DACH1: variants seen among roughly 807,000 people sequenced by gnomAD.
The protein encoded by DACH1 is dachshund family transcription factor 1.
A neutral mutation model predicts 54.2 loss-of-function variants in DACH1; 12 were observed. The ratio of observed to expected loss-of-function variants is 0.22; its 90% CI spans 0.14 to 0.36. The LOEUF is 0.36. Ranked by LOEUF, DACH1 falls within the 10% of genes least tolerant of loss-of-function variation. The pLI is 1.00. For missense variants in DACH1, 805 were observed against 929.8 expected (o/e 0.87, Z 1.75); for synonymous variants, 386 against 366.2 (o/e 1.05, Z -0.62).
intron 6 of DACH1, among the ~76,000 whole-genome samples, chr13:71,554,229 A>T (rs1884092062): frequency 6.6e-6 from 1 of 152,098 alleles, no homozygotes; most frequent in African/African-American, 2.4e-5. Context: ...AAAACTAGAT[A>T]AAAGAAGGTA....
At chr13:71,716,309 T>C (rs1427567778) in intron 1 of DACH1, among the ~76,000 whole-genome samples, 1 of 152,138 alleles carries the variant, frequency 6.6e-6, no homozygotes, top group Non-Finnish European at 1.5e-5. Context: ...TATATAGAAA[T>C]AACATTATAG....
intron 3 of DACH1, 69 bp downstream of exon 3, chr13:71,630,487 C>T: frequency 2.0e-6 from 3 of 1,465,302 alleles, no homozygotes; most frequent in Non-Finnish European, 2.7e-6. Flanking sequence ...CAGTTTTGTT[C>T]TGGAAAAGCA....
At chr13:71,468,111 T>C (rs966989549) in intron 10 of DACH1, among the ~76,000 whole-genome samples, 3 of 152,282 alleles carry the variant, frequency 2.0e-5, no homozygotes, top group South Asian at 2.1e-4. Flanking sequence ...ACAAACACTT[T>C]ACTATGGGAA....
intron 1 of DACH1, among the ~76,000 whole-genome samples, chr13:71,730,081 A>G (rs1026908274): frequency 6.6e-6 from 1 of 152,172 alleles, no homozygotes; most frequent in African/African-American, 2.4e-5. Flanking sequence ...TTATAACTAG[A>G]AAAATAAAGA....
chr13:71,464,485 T>C (rs987990544), intron 10 of DACH1: 3 of 340,478 alleles, frequency 8.8e-6, no homozygotes, highest in Admixed American at 4.4e-5. Flanking sequence ...TTAATGAAGA[T>C]GAGAAGTTCA....
At chr13:71,701,660 A>G (rs1474020203) in intron 1 of DACH1, among the ~76,000 whole-genome samples, 1 of 152,212 alleles carries the variant, frequency 6.6e-6, no homozygotes, top group Non-Finnish European at 1.5e-5. Context: ...GATGGACTAA[A>G]ACTAAACTAC....
chr13:71,781,393 T>TA (rs1886370102), intron 1 of DACH1, among the ~76,000 whole-genome samples: 6 of 143,224 alleles, frequency 4.2e-5, no homozygotes, highest in Non-Finnish European at 6.2e-5. Flanking sequence ...TTTATTTATT[T>TA]TTTGAGACGG....
intron 1 of DACH1, among the ~76,000 whole-genome samples, chr13:71,748,821 C>T (rs1367479348): frequency 6.6e-6 from 1 of 151,642 alleles, no homozygotes; most frequent in Non-Finnish European, 1.5e-5. Flanking sequence ...TCTATGTTAC[C>T]TGAAATATAA....
At chr13:71,745,901 A>T (rs1884582745) in intron 1 of DACH1, among the ~76,000 whole-genome samples, 2 of 152,188 alleles carry the variant, frequency 1.3e-5, no homozygotes, top group South Asian at 2.1e-4. Context: ...AATATTTTTT[A>T]AAAGTAATTG....
chr13:71,740,931 C>G (rs751433379), intron 1 of DACH1, among the ~76,000 whole-genome samples: 9 of 152,048 alleles, frequency 5.9e-5, no homozygotes, highest in Admixed American at 1.3e-4. Context: ...AGCCTTGACA[C>G]TTTATTTTGG....
intron 3 of DACH1, among the ~76,000 whole-genome samples, chr13:71,609,481 T>C (rs1875139626): frequency 6.6e-6 from 1 of 152,176 alleles, no homozygotes; most frequent in South Asian, 2.1e-4. Flanking sequence ...ACTTATGAAA[T>C]ATTAGTCATT....
At chr13:71,793,535 A>G (rs968760482) in intron 1 of DACH1, among the ~76,000 whole-genome samples, 1 of 151,792 alleles carries the variant, frequency 6.6e-6, no homozygotes, top group Non-Finnish European at 1.5e-5. Context: ...CTCTCTATTT[A>G]TTTTTTTCTT....
At chr13:71,689,039 C>T (rs1402876763) in intron 1 of DACH1, among the ~76,000 whole-genome samples, 1 of 152,076 alleles carries the variant, frequency 6.6e-6, no homozygotes, top group Non-Finnish European at 1.5e-5. Context: ...ACCATGAAAC[C>T]TGCCATTGCT....
intron 4 of DACH1, among the ~76,000 whole-genome samples, chr13:71,568,336 A>AT (rs1446408403): frequency 2.0e-5 from 3 of 152,144 alleles, no homozygotes; most frequent in African/African-American, 4.8e-5. Flanking sequence ...ACATTTATAG[A>AT]TTATTGTCCA....
At chr13:71,850,910 C>A (rs1427588259) in intron 1 of DACH1, among the ~76,000 whole-genome samples, 1 of 152,200 alleles carries the variant, frequency 6.6e-6, no homozygotes, top group East Asian at 1.9e-4. Flanking sequence ...AGGTACAGTA[C>A]AACCTATCCT....
intron 6 of DACH1, among the ~76,000 whole-genome samples, chr13:71,518,953 A>G (rs1016814029): frequency 1.3e-5 from 2 of 151,926 alleles, no homozygotes. Flanking sequence ...CTCAAATTTC[A>G]AGATCCGTAA....
intron 1 of DACH1, among the ~76,000 whole-genome samples, chr13:71,691,630 C>T (rs1881480869): frequency 6.6e-6 from 1 of 151,952 alleles, no homozygotes; most frequent in Non-Finnish European, 1.5e-5. Context: ...GGTTGTGAAC[C>T]ATGGCAATCT....
Position 71,821,718 on chromosome 13 carries a change from C to T in DACH1, c.848+44204G>A, listed in dbSNP as rs73503511. The stretch of plus-strand genomic sequence containing the variant: ...CATCATCATAAAGCATTTAAGATAT[C>T]CACAGTCTCTTTAATAATTCCCTAC... On this transcript the variant is annotated intron_variant, in intron 1 of 10. Transcript: ENST00000613252. 6.4e-3 allele frequency among the ~76,000 whole-genome samples: 975 copies of T among 152,128 alleles called. 8 individuals carry two copies. Among genetic ancestry groups the T allele is most frequent in the African/African-American group, 0.023 (937 of 41,512 alleles).
chr13:71,698,237 A>C (rs557584816), intron 1 of DACH1, among the ~76,000 whole-genome samples: 8 of 152,248 alleles, frequency 5.3e-5, no homozygotes, highest in Non-Finnish European at 8.8e-5. Flanking sequence ...AAATCCAATA[A>C]TAAATGGCAA....
Sources: allele counts gnomAD v4.1 joint callset (sites outside exome capture counted in the v4.1 genomes callset), GRCh38; gene constraint gnomAD v4.1.1; transcripts MANE v1.5; gene names NCBI Gene and HGNC (gene_info 2026-07-23, HGNC 2026-07-21).